Variants in EPC2 observed in about 807,000 individuals in gnomAD.
The protein encoded by EPC2 is enhancer of polycomb homolog 2.
EPC2 carries 14 observed loss-of-function variants against 92.1 expected under a neutral mutation model. That is an observed-to-expected ratio of 0.15 (90% CI 0.10 to 0.24). The LOEUF is 0.24. Ranked by LOEUF, EPC2 falls within the 10% of genes least tolerant of loss-of-function variation. The pLI, the probability that EPC2 is intolerant of heterozygous loss-of-function variation, is 1.00. For synonymous variants in EPC2, 340 were observed against 334.7 expected (o/e 1.02, Z -0.17); for missense variants, 755 against 971.5 (o/e 0.78, Z 2.96).
In EPC2 at chr2:148,771,311, A is replaced by G. The variant is rs1456930844; in HGVS notation, c.1644A>G (p.Pro548=). The change falls in exon 10 of 14, where the codon CCA becomes CCG. Residue 548 remains proline, a synonymous_variant. Coordinates refer to ENST00000258484, the MANE Select transcript of EPC2 (RefSeq NM_015630.4). The part of the protein sequence containing the change: ...SDSEECTSRK[P]GQTVNNKRVS... Reference sequence around the variant, plus strand: ...GTGAAGAATGTACCTCAAGAAAACCAGGGCAGACTGTGAACAATAAAAGAG... The same window carrying G: ...GTGAAGAATGTACCTCAAGAAAACCGGGGCAGACTGTGAACAATAAAAGAG... 2.5e-6 allele frequency: 4 copies of G among 1,613,818 alleles called. No homozygotes were observed. The highest frequency in any genetic ancestry group is 1.3e-5 in the African/African-American group (1 of 74,930).
intron 1 of EPC2, among the ~76,000 whole-genome samples, chr2:148,676,305 TG>T (rs1225674228): frequency 2.6e-5 from 4 of 151,904 alleles, no homozygotes; most frequent in Admixed American, 1.3e-4. Context: ...AGTGATTTTG[TG>T]TATCTTGGTG....
intron 10 of EPC2, among the ~76,000 whole-genome samples, chr2:148,779,448 T>C (rs781031210): frequency 1.4e-4 from 21 of 152,100 alleles, no homozygotes; most frequent in Non-Finnish European, 2.4e-4. Context: ...CCAGGTGTGA[T>C]GCCATGCACC....
rs11313351 is a variant in EPC2 at position 148,676,873 on chromosome 2, G to T, written c.154-13341G>T. Among the ~76,000 whole-genome samples, 222 of 34,242 alleles carry T rather than the reference G, an allele frequency of 6.5e-3. 2 individuals carry two copies. Among genetic ancestry groups the T allele is most frequent in the South Asian group, 0.052 (32 of 610 alleles). 22.5% of individuals were successfully genotyped at this position (34,242 alleles called of 152,430 possible). ...ATAGCCATTATTACCCACTTTTTTT[G>T]GGGGGGGGGTTGAATTCCATAAACA... On this transcript the variant is annotated intron_variant, in intron 1 of 13. Coordinates refer to ENST00000258484, the MANE Select transcript of EPC2 (RefSeq NM_015630.4).
chr2:148,661,861 A>G (rs1415677093), intron 1 of EPC2, among the ~76,000 whole-genome samples: 2 of 152,192 alleles, frequency 1.3e-5, no homozygotes, highest in Non-Finnish European at 2.9e-5. Flanking sequence ...ACTGAACCAT[A>G]CTAGCTTTCC....
intron 1 of EPC2, among the ~76,000 whole-genome samples, chr2:148,688,557 TATA>T: frequency 6.6e-6 from 1 of 152,142 alleles, no homozygotes; most frequent in Admixed American, 6.5e-5. Flanking sequence ...AAACTTAAAG[TATA>T]ATAATAATAA....
chr2:148,724,929 G>C (rs1682464188), intron 2 of EPC2, among the ~76,000 whole-genome samples: 1 of 152,062 alleles, frequency 6.6e-6, no homozygotes, highest in African/African-American at 2.4e-5. Context: ...TATAGTTAAG[G>C]AGTAGAGACC....
At chr2:148,785,423 G>T (rs918595050) in intron 13 of EPC2, among the ~76,000 whole-genome samples, 2 of 151,982 alleles carry the variant, frequency 1.3e-5, no homozygotes, top group African/African-American at 4.8e-5. Context: ...CGCCTCCCAG[G>T]TTCAAGCGAT....
chr2:148,723,473 C>G (rs4972293), intron 2 of EPC2, among the ~76,000 whole-genome samples: 21,234 of 152,112 alleles, frequency 0.14, 2,434 homozygotes, highest in East Asian at 0.46. Flanking sequence ...CATTGGTTTT[C>G]AGGAGGGTTT....
intron 13 of EPC2, among the ~76,000 whole-genome samples, chr2:148,785,795 A>G (rs1379989528): frequency 2.8e-4 from 43 of 152,198 alleles, no homozygotes; most frequent in Non-Finnish European, 4.4e-5. Context: ...AGTATATTTT[A>G]GAATGTTTTT....
Position 148,769,216 on chromosome 2 carries a change from G to C in EPC2, c.1206G>C (p.Arg402Ser). ...NDPDGPCAFR[R>S]RAGCQYYAPR... ...CTGATGGTCCCTGTGCTTTCAGAAG[G>C]CGGGCAGGATGCCAGTATTATGCTG... The change falls in exon 8 of 14, where the codon AGG becomes AGC. Residue 402 changes from arginine (R) to serine (S), a missense_variant. Physicochemically the swap from Arg to Ser is moderately radical, Grantham distance 110 (BLOSUM62 -1). Coordinates refer to ENST00000258484, the MANE Select transcript of EPC2 (RefSeq NM_015630.4). The C allele has an allele frequency of 6.2e-7, 1 of 1,611,798 alleles. No individual in the cohort carries two copies. Among genetic ancestry groups the C allele is most frequent in the Non-Finnish European group, 8.5e-7 (1 of 1,179,014 alleles).
intron 10 of EPC2, 83 bp from the exon 11 acceptor site, chr2:148,781,561 G>C (rs945996780): frequency 1.3e-4 from 162 of 1,257,540 alleles, no homozygotes; most frequent in Non-Finnish European, 1.6e-4. Flanking sequence ...CTTAATTGTG[G>C]AATAAGTTTA....
intron 1 of EPC2, among the ~76,000 whole-genome samples, chr2:148,674,338 A>G (rs1191441355): frequency 2.0e-5 from 3 of 152,168 alleles, no homozygotes; most frequent in Non-Finnish European, 2.9e-5. Context: ...CAGGTTTCCA[A>G]AGTATGTTGG....
intron 10 of EPC2, among the ~76,000 whole-genome samples, chr2:148,778,942 C>A (rs1683699922): frequency 6.6e-6 from 1 of 152,084 alleles, no homozygotes; most frequent in Non-Finnish European, 1.5e-5. Flanking sequence ...GATTCTCAAC[C>A]AGAAATGGGA....
At chr2:148,713,757 T>C (rs1682202151) in intron 2 of EPC2, among the ~76,000 whole-genome samples, 1 of 152,208 alleles carries the variant, frequency 6.6e-6, no homozygotes, top group South Asian at 2.1e-4. Flanking sequence ...TTGCCTACAC[T>C]AGCATGCTCT....
chr2:148,699,163 A>G lies in EPC2; in HGVS notation c.313+8790A>G, dbSNP rs1176502875. ...AATAAGATTTTAGGCTTTTTAAAAA[A>G]CAAATAAACTATATTTTAAAACACG... On this transcript the variant is annotated intron_variant, in intron 2 of 13. Coordinates refer to ENST00000258484, the MANE Select transcript of EPC2 (RefSeq NM_015630.4). Among the ~76,000 whole-genome samples the G allele has an allele frequency of 3.3e-5, 5 of 152,202 alleles. No homozygotes were observed. In the East Asian group the frequency reaches 9.6e-4, roughly 29 times the overall value.
At chr2:148,697,686 C>A (rs955351246) in intron 2 of EPC2, among the ~76,000 whole-genome samples, 1 of 152,134 alleles carries the variant, frequency 6.6e-6, no homozygotes, top group African/African-American at 2.4e-5. Context: ...ACAAGCTGAT[C>A]CTTAAGTGCT....
At position 148,709,985 on chromosome 2, in the gene EPC2, A is replaced by G. The variant is rs561393871; in HGVS notation, c.313+19612A>G. On this transcript the variant is annotated intron_variant, in intron 2 of 13. Coordinates refer to ENST00000258484, the MANE Select transcript of EPC2 (RefSeq NM_015630.4). ...CCAAAAGCAATGGCAAAAAAAGCCAAAATTGACAAATGGGATCTAATTAAA... is the reference window on the plus strand; with the variant it reads ...CCAAAAGCAATGGCAAAAAAAGCCAGAATTGACAAATGGGATCTAATTAAA... Among the ~76,000 whole-genome samples, 1,350 of 152,174 alleles carry G rather than the reference A, an allele frequency of 8.9e-3. 10 individuals are homozygous for G. Among genetic ancestry groups the G allele is most frequent in the Middle Eastern group, 0.02 (6 of 294 alleles).
intron 3 of EPC2, 105 bp downstream of exon 3, chr2:148,743,872 T>G: frequency 2.2e-6 from 2 of 890,884 alleles, no homozygotes; most frequent in Non-Finnish European, 3.2e-6. Context: ...TTTCTTTTCC[T>G]GACATCCTGG....
intron 1 of EPC2, among the ~76,000 whole-genome samples, chr2:148,646,985 C>T (rs1683816672): frequency 6.6e-6 from 1 of 151,988 alleles, no homozygotes. Context: ...TGGTGCGCGC[C>T]TGTAATACCA....
Sources: gnomAD v4.1 joint callset for allele counts (sites outside exome capture counted in the v4.1 genomes callset) on GRCh38, gnomAD v4.1.1 for gene constraint, MANE v1.5 for transcripts, NCBI Gene and HGNC (gene_info 2026-07-23, HGNC 2026-07-21) for gene names.